Variants in IMMP2L observed in about 807,000 individuals in gnomAD.
The protein encoded by IMMP2L is mitochondrial inner membrane protease subunit 2.
Under a neutral mutation model 19.3 loss-of-function variants are expected in IMMP2L, and 18 were observed. The observed-to-expected ratio is 0.93, with a 90% CI of 0.64 to 1.38. The LOEUF (loss-of-function observed/expected upper bound fraction) is 1.38. Among genes scored for constraint, IMMP2L ranks in the 40% most tolerant of loss-of-function variants. The pLI is 0.00. For missense variants in IMMP2L, 233 were observed against 218.2 expected (o/e 1.07, Z -0.43); for synonymous variants, 76 against 73.0 (o/e 1.04, Z -0.21).
chr7:110,936,907 A>T (rs1816180559), intron 4 of IMMP2L, among the ~76,000 whole-genome samples: 1 of 152,162 alleles, frequency 6.6e-6, no homozygotes, highest in South Asian at 2.1e-4. Context: ...AGGGACATGG[A>T]TGAAGCTGGA....
chr7:110,861,100 A>T (rs4487689), intron 5 of IMMP2L, among the ~76,000 whole-genome samples: 54,750 of 106,024 alleles, frequency 0.52, 11,809 homozygotes, highest in East Asian at 0.73. Flanking sequence ...TGTGTGTGTG[A>T]GAGAGAGAGA....
At chr7:111,515,380 C>T (rs1464723647) in intron 2 of IMMP2L, among the ~76,000 whole-genome samples, 2 of 152,118 alleles carry the variant, frequency 1.3e-5, no homozygotes, top group South Asian at 2.1e-4. Context: ...TGTGTCTCTT[C>T]TATGGTCCTG....
Position 110,894,111 on chromosome 7 carries a change from C to T in IMMP2L, c.306-7416G>A, listed in dbSNP as rs537752165. 2.0e-5 allele frequency among the ~76,000 whole-genome samples: 3 copies of T among 152,234 alleles called. No homozygotes were observed. In the South Asian group the frequency reaches 6.2e-4, roughly 32 times the overall value. ...CTGACAGGTAAGACATCCGAAGACC[C>T]CGTACCTCCTCACCCCCTCCCCTAC... On this transcript the variant is annotated intron_variant, in intron 4 of 5. Transcript: ENST00000405709.
At chr7:111,218,560 T>C (rs1235883063) in intron 3 of IMMP2L, among the ~76,000 whole-genome samples, 4 of 151,744 alleles carry the variant, frequency 2.6e-5, no homozygotes, top group Non-Finnish European at 5.9e-5. Context: ...ATCACAGAAA[T>C]ATCCAAGGCT....
At chr7:110,839,398 T>C (rs906780579) in intron 5 of IMMP2L, among the ~76,000 whole-genome samples, 1 of 152,142 alleles carries the variant, frequency 6.6e-6, no homozygotes, top group Non-Finnish European at 1.5e-5. Context: ...CTTAGGTTAA[T>C]ACAAATGCCA....
chr7:111,270,409 G>C (rs926305510), intron 3 of IMMP2L, among the ~76,000 whole-genome samples: 2 of 151,966 alleles, frequency 1.3e-5, no homozygotes, highest in African/African-American at 4.8e-5. Context: ...TGCAATCCTA[G>C]GACTGAAGAG....
chr7:110,720,481 T>C (rs577832493), intron 5 of IMMP2L, among the ~76,000 whole-genome samples: 23 of 152,320 alleles, frequency 1.5e-4, no homozygotes, highest in African/African-American at 4.1e-4. Flanking sequence ...CAGGGGAATA[T>C]TGTCATAACT....
intron 3 of IMMP2L, among the ~76,000 whole-genome samples, chr7:111,154,711 C>A (rs935739179): frequency 2.0e-5 from 3 of 152,066 alleles, no homozygotes; most frequent in African/African-American, 7.2e-5. Flanking sequence ...GAGATGGCTG[C>A]GATCTAAAAA....
intron 3 of IMMP2L, among the ~76,000 whole-genome samples, chr7:110,976,727 GA>G (rs1289273848): frequency 4.6e-5 from 7 of 151,952 alleles, no homozygotes; most frequent in Admixed American, 4.6e-4. Flanking sequence ...TCTGATGCAG[GA>G]AGTCTAGTCC....
chr7:110,990,234 A>T (rs1822310982), intron 3 of IMMP2L, among the ~76,000 whole-genome samples: 1 of 152,210 alleles, frequency 6.6e-6, no homozygotes, highest in Admixed American at 6.5e-5. Context: ...ATAGCATGAA[A>T]ACATTAAGTA....
chr7:111,274,202 G>A (rs1818778487), intron 3 of IMMP2L, among the ~76,000 whole-genome samples: 1 of 152,024 alleles, frequency 6.6e-6, no homozygotes, highest in Non-Finnish European at 1.5e-5. Flanking sequence ...AATTCCTACA[G>A]GAAAAATTTA....
chr7:110,827,744 G>C (rs1467586114), intron 5 of IMMP2L, among the ~76,000 whole-genome samples: 1 of 152,034 alleles, frequency 6.6e-6, no homozygotes, highest in Non-Finnish European at 1.5e-5. Flanking sequence ...TTTATTCACA[G>C]GAAAAGAGTC....
intron 1 of IMMP2L, among the ~76,000 whole-genome samples, chr7:111,535,678 G>C (rs887759162): frequency 2.6e-5 from 4 of 152,112 alleles, no homozygotes; most frequent in African/African-American, 7.2e-5. Context: ...TGGGAAGTTG[G>C]GGGGTGGGGA....
chr7:110,941,348 ACTGT>A (rs1816714127), intron 4 of IMMP2L, among the ~76,000 whole-genome samples: 1 of 152,112 alleles, frequency 6.6e-6, no homozygotes, highest in African/African-American at 2.4e-5. Context: ...AGCTATTGTG[ACTGT>A]CTGGGAAAAC....
At chr7:110,931,547 C>T (rs554632434) in intron 4 of IMMP2L, among the ~76,000 whole-genome samples, 69 of 152,130 alleles carry the variant, frequency 4.5e-4, no homozygotes, top group Non-Finnish European at 8.4e-4. Flanking sequence ...CTAATCTTGA[C>T]GTGTTCTTCA....
chr7:111,304,295 C>T (rs977934514), intron 3 of IMMP2L, among the ~76,000 whole-genome samples: 2 of 151,892 alleles, frequency 1.3e-5, no homozygotes, highest in East Asian at 3.9e-4. Flanking sequence ...AAAGCTTTAA[C>T]AGGAAATAAG....
At position 110,704,645 on chromosome 7, in the gene IMMP2L, T is replaced by C. The variant is rs575749564; in HGVS notation, c.409-40924A>G. On this transcript the variant is annotated intron_variant, in intron 5 of 5. Transcript: ENST00000405709. Reference sequence around the variant, plus strand: ...TTTGTCTGACCCAGTTTGTCAAGTGTTTGTGTTCTAAATGTCAATTCCTAC... The same window carrying C: ...TTTGTCTGACCCAGTTTGTCAAGTGCTTGTGTTCTAAATGTCAATTCCTAC... Among the ~76,000 whole-genome samples the C allele has an allele frequency of 2.0e-5, 3 of 152,332 alleles. No homozygotes were observed. In the South Asian group the frequency reaches 6.2e-4, roughly 32 times the overall value.
intron 3 of IMMP2L, among the ~76,000 whole-genome samples, chr7:111,085,260 T>C (rs1796218504): frequency 6.6e-6 from 1 of 152,228 alleles, no homozygotes; most frequent in Non-Finnish European, 1.5e-5. Context: ...CCTTTGGGTA[T>C]ATACACAGTA....
chr7:111,550,038 T>A (rs1179867275), intron 1 of IMMP2L, among the ~76,000 whole-genome samples: 3 of 151,296 alleles, frequency 2.0e-5, no homozygotes, highest in Non-Finnish European at 4.4e-5. Flanking sequence ...CAGTGCTAAA[T>A]AGTTATTAAT....
Sources: allele counts gnomAD v4.1 joint callset (sites outside exome capture counted in the v4.1 genomes callset), GRCh38; gene constraint gnomAD v4.1.1; transcripts MANE v1.5; gene names NCBI Gene and HGNC (gene_info 2026-07-23, HGNC 2026-07-21).